The following PDE10A variants were observed in gnomAD, a reference collection of about 807,000 sequenced individuals.
The protein encoded by PDE10A is phosphodiesterase 10A.
In PDE10A, 39 loss-of-function variants were observed where a neutral mutation model predicts 97.7. That is an observed-to-expected ratio of 0.40 (90% CI 0.31 to 0.52). PDE10A has a LOEUF of 0.52. PDE10A is among the 20% of genes least tolerant of loss of function. The pLI, the probability that PDE10A is intolerant of heterozygous loss-of-function variation, is 0.56. For synonymous variants in PDE10A, 371 were observed against 376.8 expected (o/e 0.98, Z 0.18); for missense variants, 731 against 1,047.8 (o/e 0.70, Z 4.17).
At chr6:165,836,357 T>A (rs1410536870) in intron 1 of PDE10A, among the ~76,000 whole-genome samples, 1 of 152,234 alleles carries the variant, frequency 6.6e-6, no homozygotes, top group African/African-American at 2.4e-5. Context: ...TTTGAAAAGT[T>A]CTGACCGGCG....
intron 1 of PDE10A, among the ~76,000 whole-genome samples, chr6:165,606,624 C>A (rs866205527): frequency 2.6e-5 from 4 of 152,170 alleles, no homozygotes; most frequent in Non-Finnish European, 5.9e-5. Context: ...AGAAATACCA[C>A]ATCACTAATG....
chr6:165,394,940 C>T (rs3818177), intron 15 of PDE10A, among the ~76,000 whole-genome samples: 45,236 of 152,028 alleles, frequency 0.3, 7,523 homozygotes, highest in Middle Eastern at 0.38. Context: ...GAAAGCTTTT[C>T]AGATTTTTTA....
chr6:165,482,381 C>A (rs372101677), intron 2 of PDE10A, 38 bp from the exon 3 acceptor site: 1 of 1,530,392 alleles, frequency 6.5e-7, no homozygotes, highest in Non-Finnish European at 9.1e-7. Context: ...ACACAATTAG[C>A]GACTGAGTAG....
rs532212631 is a variant in PDE10A, at chr6:165,911,546, A to G, written c.-615+75983T>C. ...CTTCACTGCTAATCCAGTAACTCCC[A>G]TCTACACTGTCTCTGGGGCGGCCAC... is the stretch of plus-strand genomic sequence containing the variant. On this transcript the variant is annotated intron_variant, in intron 1 of 19. Transcript: ENST00000366882. Among the ~76,000 whole-genome samples, 11 of 152,252 alleles carry G rather than the reference A, an allele frequency of 7.2e-5. No homozygotes were observed. The East Asian group carries it at 2.1e-3, about 29-fold the overall frequency.
At chr6:165,812,519 G>A (rs762457231) in intron 1 of PDE10A, among the ~76,000 whole-genome samples, 2 of 152,100 alleles carry the variant, frequency 1.3e-5, no homozygotes, top group South Asian at 2.1e-4. Context: ...GCATAGTCAC[G>A]GACTACAAGC....
In PDE10A at chr6:165,415,075, T is replaced by C. The variant is rs570895660; in HGVS notation, c.1889+1114A>G. Among the ~76,000 whole-genome samples the C allele has an allele frequency of 2.6e-5, 4 of 152,334 alleles. No homozygotes were observed. In the South Asian group the frequency reaches 6.2e-4, roughly 24 times the overall value. ...TATTAGATATAAGTATTTTGTCAGA[T>C]ACATGTTTTACAAATATTTTCTCCT... On this transcript the variant is annotated intron_variant, in intron 12 of 21. Transcript: ENST00000539869.
chr6:165,652,837 T>C (rs1789750485), intron 1 of PDE10A, among the ~76,000 whole-genome samples: 1 of 152,218 alleles, frequency 6.6e-6, no homozygotes, highest in Non-Finnish European at 1.5e-5. Context: ...TGTGTAGAAA[T>C]GTTTTCATCA....
chr6:165,836,459 A>G (rs1015885968), intron 1 of PDE10A, among the ~76,000 whole-genome samples: 8 of 152,200 alleles, frequency 5.3e-5, no homozygotes, highest in Admixed American at 4.6e-4. Flanking sequence ...CAGATACTCC[A>G]GCGGTCAGGC....
intron 1 of PDE10A, among the ~76,000 whole-genome samples, chr6:165,621,001 T>A (rs972774969): frequency 7.2e-6 from 1 of 139,014 alleles, no homozygotes; most frequent in South Asian, 2.3e-4. Context: ...AGCCTGGCAA[T>A]GGAGCAAGAC....
intron 18 of PDE10A, among the ~76,000 whole-genome samples, chr6:165,344,242 C>G (rs1427775014): frequency 6.6e-6 from 1 of 152,024 alleles, no homozygotes; most frequent in Non-Finnish European, 1.5e-5. Flanking sequence ...AAGACATATC[C>G]CCTGCAATTT....
intron 2 of PDE10A, among the ~76,000 whole-genome samples, chr6:165,488,345 A>G (rs1019233002): frequency 6.6e-6 from 1 of 152,232 alleles, no homozygotes. Flanking sequence ...AGTTTATGGG[A>G]AAAATAAATG....
In PDE10A at chr6:165,732,200, A is replaced by G. The variant is rs1792455324; in HGVS notation, c.-614-188632T>C. Among the ~76,000 whole-genome samples, 3 of 152,190 alleles carry G rather than the reference A, an allele frequency of 2.0e-5. No homozygotes were observed. The South Asian group carries it at 6.2e-4, about 31-fold the overall frequency. On this transcript the variant is annotated intron_variant, in intron 1 of 19. Transcript: ENST00000366882. ...ACCTGCCTCTCCCTTTTATTGTTTC[A>G]TGCTTTGTTTCAATGCTTTTCCACA...
intron 18 of PDE10A, among the ~76,000 whole-genome samples, chr6:165,368,861 G>A (rs572793796): frequency 7.2e-5 from 11 of 152,250 alleles, no homozygotes; most frequent in South Asian, 2.1e-4. Context: ...CACACGGCCC[G>A]GTACTCCTCT....
intron 16 of PDE10A, among the ~76,000 whole-genome samples, chr6:165,390,776 C>T (rs1415370521): frequency 6.6e-6 from 1 of 152,192 alleles, no homozygotes; most frequent in Non-Finnish European, 1.5e-5. Flanking sequence ...GATATGCCTG[C>T]TTCTTTGTCC....
intron 1 of PDE10A, among the ~76,000 whole-genome samples, chr6:165,690,207 C>T (rs1791234294): frequency 6.6e-6 from 1 of 152,132 alleles, no homozygotes; most frequent in African/African-American, 2.4e-5. Flanking sequence ...ATAGTTTCAG[C>T]CCGAACTCCG....
intron 1 of PDE10A, among the ~76,000 whole-genome samples, chr6:165,868,322 CAA>C (rs1322145706): frequency 6.6e-6 from 1 of 151,714 alleles, no homozygotes; most frequent in Admixed American, 6.6e-5. Flanking sequence ...AAATCAGGAA[CAA>C]AAAAGACCTT....
chr6:165,473,359 T>C (rs903119183), intron 3 of PDE10A, among the ~76,000 whole-genome samples: 18 of 152,130 alleles, frequency 1.2e-4, no homozygotes, highest in African/African-American at 4.3e-4. Context: ...CAAGTAGAAA[T>C]GATTTTAACT....
intron 1 of PDE10A, among the ~76,000 whole-genome samples, chr6:165,609,366 A>G (rs949175814): frequency 1.3e-5 from 2 of 152,216 alleles, no homozygotes; most frequent in African/African-American, 4.8e-5. Context: ...TCTCAAAATA[A>G]TAACAGCTAT....
At position 165,330,271 on chromosome 6, in the gene PDE10A, G is replaced by A. The variant is rs1292529238; in HGVS notation, c.*2754C>T. On this transcript the variant is annotated 3_prime_UTR_variant, in exon 22 of 22. Transcript: ENST00000539869. ...ACGACCTTAATAGGAACTCATCAAAGCTGTTGTTAGTAAAAACCATCTCTT... is the reference window on the plus strand; with the variant it reads ...ACGACCTTAATAGGAACTCATCAAAACTGTTGTTAGTAAAAACCATCTCTT... 1 of 152,144 alleles carries A rather than the reference G, an allele frequency of 6.6e-6. No individual in the cohort carries two copies. Among genetic ancestry groups the A allele is most frequent in the East Asian group, 1.9e-4 (1 of 5,204 alleles). The allele number at this position is 152,144 out of a possible 1,614,324, so 9.4% of individuals were successfully genotyped here.
Sources: gnomAD v4.1 joint callset for allele counts (sites outside exome capture counted in the v4.1 genomes callset) on GRCh38, gnomAD v4.1.1 for gene constraint, MANE v1.5 for transcripts, NCBI Gene and HGNC (gene_info 2026-07-23, HGNC 2026-07-21) for gene names.